Variants in ELOVL5 observed in about 807,000 individuals in gnomAD.
The protein encoded by ELOVL5 is very long chain fatty acid elongase 5.
ELOVL5 carries 8 observed loss-of-function variants against 38.6 expected under a neutral mutation model. The observed-to-expected ratio is 0.21, with a 90% CI of 0.12 to 0.37. ELOVL5 has a LOEUF of 0.37. ELOVL5 is among the 10% of genes least tolerant of loss of function. ELOVL5 has a pLI of 1.00. For missense variants in ELOVL5, 280 were observed against 367.8 expected, an observed-to-expected ratio of 0.76 and a Z score of 1.95; for synonymous variants, 127 against 133.7, an observed-to-expected ratio of 0.95 and a Z score of 0.34.
intron 6 of ELOVL5, among the ~76,000 whole-genome samples, chr6:53,271,432 C>A (rs1370947945): frequency 6.6e-6 from 1 of 152,112 alleles, no homozygotes; most frequent in Non-Finnish European, 1.5e-5. Context: ...CGCCGGTAGT[C>A]CCAGCTACTT....
intron 3 of ELOVL5, chr6:53,290,190 CTGTT>C (rs1359963905): frequency 1.3e-5 from 2 of 152,168 alleles, no homozygotes; most frequent in African/African-American, 4.8e-5. Context: ...AGGGAATCAT[CTGTT>C]TAAGAGAGGA....
intron 3 of ELOVL5, among the ~76,000 whole-genome samples, chr6:53,278,042 C>G (rs2127568849): frequency 6.6e-6 from 1 of 152,304 alleles, no homozygotes; most frequent in South Asian, 2.1e-4. Context: ...AAAAGATCCT[C>G]TTTTTTAAAA....
intron 3 of ELOVL5, among the ~76,000 whole-genome samples, chr6:53,278,414 G>A (rs1454052767): frequency 6.6e-6 from 1 of 152,144 alleles, no homozygotes; most frequent in Non-Finnish European, 1.5e-5. Flanking sequence ...GGTTGAAGGG[G>A]TCTTGTTAAC....
intron 1 of ELOVL5, among the ~76,000 whole-genome samples, chr6:53,321,807 A>G (rs541087931): frequency 6.6e-6 from 1 of 152,366 alleles, no homozygotes; most frequent in East Asian, 1.9e-4. Context: ...AAATTTGTGT[A>G]AAGAGCCATT....
At chr6:53,298,214 G>C (rs1758413051) in intron 1 of ELOVL5, among the ~76,000 whole-genome samples, 1 of 152,104 alleles carries the variant, frequency 6.6e-6, no homozygotes, top group Admixed American at 6.6e-5. Context: ...CTCCCCACTA[G>C]GCTGCATCCC....
intron 2 of ELOVL5, 80 bp from the exon 3 acceptor site, chr6:53,292,043 T>C: frequency 1.1e-6 from 1 of 937,790 alleles, no homozygotes; most frequent in Non-Finnish European, 1.5e-6. Context: ...CTAACCATGA[T>C]GATATAAAAG....
chr6:53,284,715 C>T (rs192671647), intron 3 of ELOVL5, among the ~76,000 whole-genome samples: 10 of 152,306 alleles, frequency 6.6e-5, no homozygotes, highest in East Asian at 1.9e-4. Context: ...ATTTTTACAA[C>T]AGCACGTGTT....
At chr6:53,327,672 A>G (rs1768608732) in intron 1 of ELOVL5, among the ~76,000 whole-genome samples, 1 of 152,248 alleles carries the variant, frequency 6.6e-6, no homozygotes, top group Admixed American at 6.5e-5. Context: ...AAAATGGCTT[A>G]TATAATGTAA....
At chr6:53,298,266 A>C (rs552479244) in intron 1 of ELOVL5, among the ~76,000 whole-genome samples, 1 of 152,318 alleles carries the variant, frequency 6.6e-6, no homozygotes, top group South Asian at 2.1e-4. Flanking sequence ...CAAGGTCATA[A>C]AGGCTATGAC....
intron 1 of ELOVL5, among the ~76,000 whole-genome samples, chr6:53,339,240 T>G (rs1769215805): frequency 6.6e-6 from 1 of 152,240 alleles, no homozygotes; most frequent in Non-Finnish European, 1.5e-5. Context: ...TTTTATCACC[T>G]GTTCAGATTC....
chr6:53,299,921 C>G (rs1053933247), intron 1 of ELOVL5, among the ~76,000 whole-genome samples: 4 of 152,108 alleles, frequency 2.6e-5, no homozygotes, highest in African/African-American at 9.7e-5. Context: ...AAAGAGCCAA[C>G]AAAACATTCT....
At position 53,276,188 on chromosome 6, in the gene ELOVL5, T is replaced by C. The variant is rs776691136; in HGVS notation, c.315A>G (p.Ser105=). 4 of 1,609,690 alleles carry C rather than the reference T, an allele frequency of 2.5e-6. No individual in the cohort carries two copies. The highest frequency in any genetic ancestry group is 3.4e-6 in the Non-Finnish European group (4 of 1,176,126). The part of the protein sequence containing the change: ...FCQGTRTAGE[S]DMKIIRVLWW... ...GAAAAAGAGACAGTACCTTCATATCTGATTCTCCTGCGGTGCGTGTGCCCT... is the reference window on the plus strand; with the variant it reads ...GAAAAAGAGACAGTACCTTCATATCCGATTCTCCTGCGGTGCGTGTGCCCT... Residue 105 remains serine (S), a synonymous_variant, in exon 4 of 8, where the codon TCA becomes TCG. Transcript: ENST00000304434.
intron 1 of ELOVL5, among the ~76,000 whole-genome samples, chr6:53,311,140 C>T (rs1767812911): frequency 6.6e-6 from 1 of 152,112 alleles, no homozygotes; most frequent in East Asian, 1.9e-4. Context: ...GGCAGTTACA[C>T]AATTTTCTCT....
chr6:53,275,725 A>G (rs1240340702), intron 4 of ELOVL5, among the ~76,000 whole-genome samples: 2 of 152,234 alleles, frequency 1.3e-5, no homozygotes, highest in Non-Finnish European at 2.9e-5. Flanking sequence ...TCTCTGCCCA[A>G]TTAAACATGT....
chr6:53,289,677 G>A (rs1331212231), intron 3 of ELOVL5, among the ~76,000 whole-genome samples: 1 of 152,066 alleles, frequency 6.6e-6, no homozygotes, highest in African/African-American at 2.4e-5. Flanking sequence ...CCGAGATGGC[G>A]CCACTGCACT....
At chr6:53,327,761 C>T (rs1248000806) in intron 1 of ELOVL5, among the ~76,000 whole-genome samples, 14 of 152,154 alleles carry the variant, frequency 9.2e-5, no homozygotes, top group Admixed American at 9.2e-4. Context: ...CAGTATCTTT[C>T]CATCGTTCTG....
intron 1 of ELOVL5, among the ~76,000 whole-genome samples, chr6:53,324,535 G>A (rs762560919): frequency 3.6e-4 from 55 of 151,742 alleles, no homozygotes; most frequent in South Asian, 8.3e-4. Flanking sequence ...AATTAGCTGG[G>A]TGTGGTGGTG....
At position 53,348,864 on chromosome 6, in the gene ELOVL5, G is replaced by GGCGGCGGAGGGAGCGCGGGTGGCA. The variant is rs1561900261; in HGVS notation, c.-80_-57dup. On this transcript the variant is annotated 5_prime_UTR_variant, in exon 1 of 8. Coordinates refer to ENST00000304434, the MANE Select transcript of ELOVL5 (RefSeq NM_021814.5). Reference sequence around the variant, plus strand: ...CAGCTTTGAGCAGCAGCAAGGCGGCGGCGGCGGAGGGAGCGCGGGTGGCAG... The same window carrying GGCGGCGGAGGGAGCGCGGGTGGCA: ...CAGCTTTGAGCAGCAGCAAGGCGGCGGCGGCGGAGGGAGCGCGGGTGGCAGCGGCGGAGGGAGCGCGGGTGGCAG... The GGCGGCGGAGGGAGCGCGGGTGGCA allele has an allele frequency of 4.4e-6, 2 of 458,088 alleles. No homozygotes were observed. The highest frequency in any genetic ancestry group is 1.5e-5 in the South Asian group (1 of 65,132). The allele number at this position is 458,088 out of a possible 1,614,324, so 28.4% of individuals were successfully genotyped here.
intron 1 of ELOVL5, among the ~76,000 whole-genome samples, chr6:53,339,613 T>G (rs1397920855): frequency 6.6e-6 from 1 of 152,234 alleles, no homozygotes; most frequent in African/African-American, 2.4e-5. Flanking sequence ...AAACTCCTAT[T>G]GCCTAGTGAC....
Sources: gnomAD v4.1 joint callset for allele counts (sites outside exome capture counted in the v4.1 genomes callset) on GRCh38, gnomAD v4.1.1 for gene constraint, MANE v1.5 for transcripts, NCBI Gene and HGNC (gene_info 2026-07-23, HGNC 2026-07-21) for gene names.